NKAIN3: variants seen among roughly 807,000 people sequenced by gnomAD.
NKAIN3 encodes the protein sodium/potassium-transporting ATPase subunit beta-1-interacting protein 3.
In NKAIN3, 25 loss-of-function variants were observed where a neutral mutation model predicts 30.2. The observed-to-expected ratio is 0.83, with a 90% CI of 0.60 to 1.16. The LOEUF is 1.16. Among genes scored for constraint, NKAIN3 ranks in the 50% most tolerant of loss-of-function variants. The probability of loss-of-function intolerance (pLI) is 0.00; values close to 1 mark genes in which losing one functional copy is unlikely to be tolerated. For synonymous variants in NKAIN3, 91 were observed against 89.6 expected (o/e 1.02, Z -0.09); for missense variants, 225 against 254.1 (o/e 0.89, Z 0.78).
intron 1 of NKAIN3, among the ~76,000 whole-genome samples, chr8:62,291,519 T>C (rs1260454801): frequency 2.0e-5 from 3 of 152,206 alleles, no homozygotes; most frequent in Non-Finnish European, 4.4e-5. Flanking sequence ...CAGGAGCAGG[T>C]TGTTCAGTTT....
At chr8:62,741,400 AAGGAAGGAAGGAAGGAAGGAAGGCAG>A (rs1563540732) in intron 3 of NKAIN3, among the ~76,000 whole-genome samples, 2 of 147,278 alleles carry the variant, frequency 1.4e-5, no homozygotes, top group African/African-American at 5.3e-5. Flanking sequence ...GGAAGGAAGG[AAGGAAGGAAGGAAGGAAGGAAGGCAG>A]GCAAGCAAGC....
At chr8:62,339,102 G>A (rs1815659159) in intron 1 of NKAIN3, among the ~76,000 whole-genome samples, 1 of 152,020 alleles carries the variant, frequency 6.6e-6, no homozygotes, top group Admixed American at 6.6e-5. Flanking sequence ...TAGACCACTA[G>A]GAAGAATGTT....
intron 1 of NKAIN3, among the ~76,000 whole-genome samples, chr8:62,555,856 T>C (rs1040448235): frequency 2.6e-5 from 4 of 152,036 alleles, no homozygotes; most frequent in Non-Finnish European, 5.9e-5. Flanking sequence ...CGGACAAATT[T>C]TCTCCAGAAG....
chr8:62,847,606 A>C (rs1165480311), intron 4 of NKAIN3, among the ~76,000 whole-genome samples: 1 of 152,098 alleles, frequency 6.6e-6, no homozygotes, highest in African/African-American at 2.4e-5. Context: ...GTTAGAGTGC[A>C]AAAAACTGTC....
chr8:62,745,810 G>A (rs1330147540), intron 3 of NKAIN3, among the ~76,000 whole-genome samples: 1 of 152,172 alleles, frequency 6.6e-6, no homozygotes, highest in East Asian at 1.9e-4. Flanking sequence ...TGTCTTCAGA[G>A]TATAAGGAAT....
chr8:62,823,944 A>G (rs1344333515), intron 4 of NKAIN3, among the ~76,000 whole-genome samples: 1 of 152,228 alleles, frequency 6.6e-6, no homozygotes, highest in African/African-American at 2.4e-5. Context: ...ATTTAATGGC[A>G]TATGTGCTTG....
chr8:62,394,714 G>GGGA (rs1817682885), intron 1 of NKAIN3, among the ~76,000 whole-genome samples: 1 of 147,292 alleles, frequency 6.8e-6, no homozygotes. Flanking sequence ...GGGCGGCCAA[G>GGGA]CAGAGGTGCT....
chr8:62,478,460 A>G (rs1023220962), intron 1 of NKAIN3, among the ~76,000 whole-genome samples: 2 of 152,160 alleles, frequency 1.3e-5, no homozygotes, highest in South Asian at 4.1e-4. Flanking sequence ...TATATAATTC[A>G]CAGAAGAACT....
At chr8:62,567,653 T>G (rs544790013) in intron 1 of NKAIN3, among the ~76,000 whole-genome samples, 1 of 151,936 alleles carries the variant, frequency 6.6e-6, no homozygotes, top group Admixed American at 6.6e-5. Context: ...GCTTTGAAGA[T>G]AGTGGAAGAG....
intron 1 of NKAIN3, among the ~76,000 whole-genome samples, chr8:62,436,526 A>C (rs1405801510): frequency 6.6e-6 from 1 of 152,150 alleles, no homozygotes; most frequent in Non-Finnish European, 1.5e-5. Context: ...AGCTTAATGA[A>C]TGTAGAAATT....
intron 1 of NKAIN3, among the ~76,000 whole-genome samples, chr8:62,331,784 T>C (rs1027521155): frequency 2.0e-5 from 3 of 152,170 alleles, no homozygotes; most frequent in Non-Finnish European, 2.9e-5. Context: ...GGTTATTACG[T>C]ATGTTGTCCT....
chr8:62,771,387 T>A (rs960360577), intron 4 of NKAIN3, among the ~76,000 whole-genome samples: 3 of 151,986 alleles, frequency 2.0e-5, no homozygotes, highest in Non-Finnish European at 4.4e-5. Context: ...TTACAATAAA[T>A]TGAAATGAAA....
intron 3 of NKAIN3, among the ~76,000 whole-genome samples, chr8:62,659,874 T>G (rs1812885454): frequency 6.6e-6 from 1 of 152,172 alleles, no homozygotes; most frequent in East Asian, 1.9e-4. Flanking sequence ...GGAGTTTCCC[T>G]GCACAAGCAC....
At chr8:62,798,701 G>A (rs1211805279) in intron 4 of NKAIN3, among the ~76,000 whole-genome samples, 2 of 152,094 alleles carry the variant, frequency 1.3e-5, no homozygotes, top group African/African-American at 4.8e-5. Context: ...TCAGACTTCT[G>A]GCTTGCAGAA....
intron 1 of NKAIN3, among the ~76,000 whole-genome samples, chr8:62,331,653 G>A (rs941814786): frequency 2.0e-5 from 3 of 151,954 alleles, no homozygotes; most frequent in African/African-American, 7.3e-5. Flanking sequence ...TTTCTTATCT[G>A]GTATAGGAAA....
chr8:62,455,815 T>G (rs1452667973), intron 1 of NKAIN3, among the ~76,000 whole-genome samples: 1 of 152,192 alleles, frequency 6.6e-6, no homozygotes, highest in Non-Finnish European at 1.5e-5. Context: ...AACTGGCAGA[T>G]TTCATTTTGT....
At chr8:62,847,204 G>A (rs1819717435) in intron 4 of NKAIN3, among the ~76,000 whole-genome samples, 1 of 152,110 alleles carries the variant, frequency 6.6e-6, no homozygotes, top group Admixed American at 6.6e-5. Context: ...TATATATCCA[G>A]TAATGGGATT....
chr8:62,762,449 G>A lies in NKAIN3; in HGVS notation c.471+15320G>A, dbSNP rs183170492. ...TAGAACTTAGCAAGTAAAGAAAAGA[G>A]TGATGGAAGATGAAATTAGAGAAGT... On this transcript the variant is annotated intron_variant, in intron 4 of 6. Coordinates refer to ENST00000623646, the MANE Select transcript of NKAIN3 (RefSeq NM_001304533.3). Among the ~76,000 whole-genome samples the A allele has an allele frequency of 2.9e-3, 447 of 152,320 alleles. 3 individuals carry two copies. Among genetic ancestry groups the A allele is most frequent in the Admixed American group, 7.9e-3 (121 of 15,300 alleles).
intron 4 of NKAIN3, among the ~76,000 whole-genome samples, chr8:62,851,811 T>C (rs576040419): frequency 1.2e-3 from 185 of 152,352 alleles, no homozygotes; most frequent in African/African-American, 4.4e-3. Context: ...GAAGCCCACT[T>C]GATCATGGTG....
Sources: allele counts gnomAD v4.1 joint callset (sites outside exome capture counted in the v4.1 genomes callset), GRCh38; gene constraint gnomAD v4.1.1; transcripts MANE v1.5; gene names NCBI Gene and HGNC (gene_info 2026-07-23, HGNC 2026-07-21).